CMKLR1: variants seen among roughly 807,000 people sequenced by gnomAD.
CMKLR1 encodes chemerin chemokine-like receptor 1.
Under a neutral mutation model 8.2 loss-of-function variants are expected in CMKLR1, and 6 were observed. The ratio of observed to expected loss-of-function variants is 0.73; its 90% CI spans 0.40 to 1.44. The LOEUF is 1.44. Ranked by LOEUF, CMKLR1 falls within the 40% of genes most tolerant of loss-of-function variation. The pLI is 0.02. For synonymous variants in CMKLR1, 178 were observed against 181.2 expected (o/e 0.98, Z 0.14); for missense variants, 429 against 478.0 (o/e 0.90, Z 0.96).
At position 108,330,802 on chromosome 12, in the gene CMKLR1, C is replaced by G. The variant is rs545029873; in HGVS notation, c.-286-595G>C. Among the ~76,000 whole-genome samples the G allele has an allele frequency of 3.3e-5, 5 of 152,300 alleles. No homozygotes were observed. The East Asian group carries it at 9.6e-4, about 29-fold the overall frequency. ...CAGAAGGAGGTAGACATAGGAGACACTGAGCCCCATTGATAGTAGAACAGC... is the reference window on the plus strand; with the variant it reads ...CAGAAGGAGGTAGACATAGGAGACAGTGAGCCCCATTGATAGTAGAACAGC... On this transcript the variant is annotated intron_variant, in intron 1 of 3. Transcript: ENST00000550402.
At position 108,291,929 on chromosome 12, in the gene CMKLR1, G is replaced by A. The variant is rs200353879; in HGVS notation, c.1034C>T (p.Ser345Phe). ...VNALSEDTGHSSYPSHRSFTK... is the reference protein window; with the variant it reads ...VNALSEDTGHFSYPSHRSFTK... Reference sequence around the variant, plus strand: ...AAAGCTTCTATGGCTGGGGTAGGAAGAGTGGCCTGTATCTTCACTTAGAGC... The same window carrying A: ...AAAGCTTCTATGGCTGGGGTAGGAAAAGTGGCCTGTATCTTCACTTAGAGC... Residue 345 changes from serine to phenylalanine, a missense_variant, in exon 4 of 4, where the codon TCT (serine) becomes TTT (phenylalanine). Ser to Phe is a radical substitution (Grantham distance 155, BLOSUM62 -2). Transcript: ENST00000550402. 19 of 1,614,074 alleles carry A rather than the reference G, an allele frequency of 1.2e-5. No homozygotes were observed. In the African/African-American group the frequency reaches 2.5e-4, roughly 22 times the overall value.
At chr12:108,316,425 C>T in intron 2 of CMKLR1, among the ~76,000 whole-genome samples, 1 of 152,218 alleles carries the variant, frequency 6.6e-6, no homozygotes, top group African/African-American at 2.4e-5. Context: ...AGAGGAAAGC[C>T]AGCAGGAAGA....
intron 2 of CMKLR1, among the ~76,000 whole-genome samples, chr12:108,326,769 G>A (rs79986268): frequency 3.3e-5 from 5 of 152,174 alleles, no homozygotes; most frequent in Admixed American, 2.6e-4. Flanking sequence ...CGGAGGAGGT[G>A]ATTGCAGAAT....
rs539279698 is a variant in CMKLR1 at position 108,288,954 on chromosome 12, A to ACCACCC, written c.*2886_*2887insGGGTGG. On this transcript the variant is annotated 3_prime_UTR_variant, in exon 4 of 4. Transcript: ENST00000550402. ...CTTGAAACAGAAACTCACTTTCTGC[A>ACCACCC]CCCCCCCCCCACCTTGCTATGATGG... The ACCACCC allele has an allele frequency of 7.5e-6, 1 of 133,848 alleles. No homozygotes were observed. The highest frequency in any genetic ancestry group is 1.7e-5 in the Non-Finnish European group (1 of 60,462). The allele number at this position is 133,848 out of a possible 1,614,324, so 8.3% of individuals were successfully genotyped here.
At chr12:108,328,836 C>T (rs981611819) in intron 2 of CMKLR1, among the ~76,000 whole-genome samples, 1 of 152,250 alleles carries the variant, frequency 6.6e-6, no homozygotes, top group Non-Finnish European at 1.5e-5. Flanking sequence ...CCAGTAAAGA[C>T]ATCACCAAAT....
At chr12:108,311,446 C>T (rs1161559519) in intron 2 of CMKLR1, among the ~76,000 whole-genome samples, 1 of 152,136 alleles carries the variant, frequency 6.6e-6, no homozygotes, top group South Asian at 2.1e-4. Context: ...GAGACCCTGC[C>T]TCTAGGGGAA....
intron 2 of CMKLR1, among the ~76,000 whole-genome samples, chr12:108,314,649 G>T (rs1350551269): frequency 6.6e-6 from 1 of 152,192 alleles, no homozygotes; most frequent in African/African-American, 2.4e-5. Flanking sequence ...CTGAACCGTG[G>T]CCTTTAAGTC....
At chr12:108,323,115 C>G (rs1260532489) in intron 2 of CMKLR1, among the ~76,000 whole-genome samples, 1 of 152,206 alleles carries the variant, frequency 6.6e-6, no homozygotes, top group East Asian at 1.9e-4. Flanking sequence ...GAACTGGTTA[C>G]ATTTCCCACA....
chr12:108,292,976 G>A lies in CMKLR1; in HGVS notation c.4-17C>T. The A allele has an allele frequency of 6.3e-7, 1 of 1,587,866 alleles. No homozygotes were observed. The highest frequency in any genetic ancestry group is 1.2e-5 in the South Asian group (1 of 86,098). ...CTCCATTCTCTGCAAGAGAAGACAG[G>A]GACCATTAGAGGAACCCTAGAGTTG... On this transcript the variant is annotated splice_polypyrimidine_tract_variant and intron_variant, in intron 3 of 3. Coordinates refer to ENST00000550402, the MANE Select transcript of CMKLR1 (RefSeq NM_001142343.2).
intron 1 of CMKLR1, among the ~76,000 whole-genome samples, chr12:108,331,996 C>T (rs921073804): frequency 5.9e-5 from 9 of 152,196 alleles, no homozygotes; most frequent in African/African-American, 2.2e-4. Context: ...TATACACTTG[C>T]TACCTGAATT....
chr12:108,324,847 T>C (rs1264686063), intron 2 of CMKLR1, among the ~76,000 whole-genome samples: 2 of 97,810 alleles, frequency 2.0e-5, no homozygotes, highest in Non-Finnish European at 4.3e-5. Flanking sequence ...GTGGGTGGCC[T>C]GAGCATGCTT....
intron 2 of CMKLR1, among the ~76,000 whole-genome samples, chr12:108,325,020 G>A (rs759832674): frequency 1.3e-5 from 2 of 152,200 alleles, no homozygotes; most frequent in African/African-American, 4.8e-5. Context: ...AGCTGGTTCA[G>A]AGCACTTGCT....
intron 2 of CMKLR1, among the ~76,000 whole-genome samples, chr12:108,328,667 G>C (rs1892038433): frequency 6.6e-6 from 1 of 152,174 alleles, no homozygotes; most frequent in Admixed American, 6.5e-5. Context: ...TGTGAGTTGA[G>C]TCTGTCATAA....
intron 2 of CMKLR1, among the ~76,000 whole-genome samples, chr12:108,324,307 G>A (rs1403107171): frequency 2.6e-5 from 4 of 152,182 alleles, no homozygotes; most frequent in African/African-American, 9.6e-5. Context: ...AAGTGTTGTA[G>A]TGAAGGCTGC....
At chr12:108,329,640 T>A (rs913513770) in intron 2 of CMKLR1, among the ~76,000 whole-genome samples, 2 of 152,154 alleles carry the variant, frequency 1.3e-5, no homozygotes, top group African/African-American at 4.8e-5. Flanking sequence ...CATGGGTGAC[T>A]GTGACCTGTG....
chr12:108,291,531 C>G lies in CMKLR1; in HGVS notation c.*310G>C. The G allele has an allele frequency of 3.1e-6, 1 of 327,536 alleles. No individual in the cohort carries two copies. 20.3% of individuals were successfully genotyped at this position (327,536 alleles called of 1,614,324 possible). A position where few individuals can be genotyped will look rare whatever the true frequency, so the allele number is the denominator to read the frequency against. On this transcript the variant is annotated 3_prime_UTR_variant, in exon 4 of 4. Coordinates refer to ENST00000550402, the MANE Select transcript of CMKLR1 (RefSeq NM_001142343.2). ...ACACACAATAGGCAGCTTAATCCCA[C>G]CGCCCTATGCCAATCCCAGTTCATG...
At chr12:108,310,951 C>A (rs946612371) in intron 2 of CMKLR1, among the ~76,000 whole-genome samples, 1 of 149,190 alleles carries the variant, frequency 6.7e-6, no homozygotes, top group Admixed American at 6.7e-5. Flanking sequence ...CGAAGACCGC[C>A]CCCCCACCCC....
intron 2 of CMKLR1, among the ~76,000 whole-genome samples, chr12:108,303,680 G>A (rs947491262): frequency 6.6e-6 from 1 of 152,148 alleles, no homozygotes; most frequent in African/African-American, 2.4e-5. Context: ...TTGCCCCAGT[G>A]GAACCTCCCA....
At chr12:108,307,374 T>G (rs996699122) in intron 2 of CMKLR1, among the ~76,000 whole-genome samples, 1 of 152,106 alleles carries the variant, frequency 6.6e-6, no homozygotes, top group Non-Finnish European at 1.5e-5. Context: ...AAGCGCCCCC[T>G]GAGAAGTCAC....
Sources: allele counts gnomAD v4.1 joint callset (sites outside exome capture counted in the v4.1 genomes callset), GRCh38; gene constraint gnomAD v4.1.1; transcripts MANE v1.5; gene names NCBI Gene and HGNC (gene_info 2026-07-23, HGNC 2026-07-21).